Variants in FNDC1 observed in about 807,000 individuals in gnomAD.
FNDC1 encodes the protein fibronectin type III domain-containing protein 1.
Under a neutral mutation model 168.0 loss-of-function variants are expected in FNDC1, and 96 were observed. That is an observed-to-expected ratio of 0.57 (90% confidence interval 0.48 to 0.68). The LOEUF (loss-of-function observed/expected upper bound fraction) is 0.68. FNDC1 is among the 30% of genes least tolerant of loss of function. The probability of loss-of-function intolerance (pLI) is 0.00; values close to 1 mark genes in which losing one functional copy is unlikely to be tolerated. For synonymous variants in FNDC1, 1,099 were observed against 1,025.9 expected (o/e 1.07, Z -1.36); for missense variants, 2,587 against 2,482.1 (o/e 1.04, Z -0.90).
At chr6:159,242,960 T>C (rs935196945) in intron 14 of FNDC1, among the ~76,000 whole-genome samples, 1 of 152,254 alleles carries the variant, frequency 6.6e-6, no homozygotes, top group African/African-American at 2.4e-5. Flanking sequence ...ACTTTTTGGT[T>C]ATTGTGAATA....
intron 1 of FNDC1, among the ~76,000 whole-genome samples, chr6:159,192,486 C>T (rs765895948): frequency 6.6e-6 from 1 of 152,102 alleles, no homozygotes; most frequent in Non-Finnish European, 1.5e-5. Context: ...GACAGAGTTC[C>T]CTTGAGAGGA....
intron 22 of FNDC1, among the ~76,000 whole-genome samples, chr6:159,269,222 T>C (rs867497999): frequency 0.02 from 2,383 of 122,044 alleles, 90 homozygotes; most frequent in African/African-American, 0.077. Flanking sequence ...TCTATCTATC[T>C]ATCTATCTAT....
intron 1 of FNDC1, among the ~76,000 whole-genome samples, chr6:159,181,385 T>A (rs1021385459): frequency 2.0e-5 from 3 of 152,206 alleles, no homozygotes; most frequent in African/African-American, 7.2e-5. Flanking sequence ...TGGTCTTAAT[T>A]ATTTGATCAA....
chr6:159,271,400 G>T lies in FNDC1; in HGVS notation c.5643G>T (p.Val1881=). Residue 1881 remains valine, a synonymous_variant, in exon 23 of 23, where the codon GTG becomes GTT. Transcript: ENST00000297267. ...NIGFGTPYYY[V]GWYECGVSIP... ...GCTTCGGAACCCCCTACTACTATGT[G>T]GGCTGGTACGAGTGTGGGGTCTCCA... The T allele has an allele frequency of 6.2e-7, 1 of 1,612,332 alleles. No individual in the cohort carries two copies. Among genetic ancestry groups the T allele is most frequent in the Non-Finnish European group, 8.5e-7 (1 of 1,179,304 alleles).
intron 4 of FNDC1, among the ~76,000 whole-genome samples, chr6:159,204,587 A>C (rs932376851): frequency 5.3e-5 from 8 of 152,008 alleles, no homozygotes; most frequent in African/African-American, 1.9e-4. Flanking sequence ...CACACTCCAC[A>C]TGCAGGTCTG....
Position 159,261,383 on chromosome 6 carries a change from G to C in FNDC1, c.5254+114G>C, listed in dbSNP as rs890407765. The stretch of plus-strand genomic sequence containing the variant: ...TTACTTTTCTATTTAATGAGCTCAT[G>C]TTGGATATCAGTTTCTAAAGTAAAC... On this transcript the variant is annotated intron_variant, in intron 19 of 22. Transcript: ENST00000297267. 4.0e-5 allele frequency: 28 copies of C among 692,808 alleles called. No individual in the cohort carries two copies. In the Middle Eastern group the frequency reaches 1.2e-3, roughly 31 times the overall value. The allele number at this position is 692,808 out of a possible 1,614,324, so 42.9% of individuals were successfully genotyped here.
intron 4 of FNDC1, among the ~76,000 whole-genome samples, chr6:159,201,391 A>T (rs955939921): frequency 6.6e-6 from 1 of 152,220 alleles, no homozygotes; most frequent in Admixed American, 6.5e-5. Flanking sequence ...TGCATGCTAT[A>T]TGAAAAGGGG....
intron 16 of FNDC1, 83 bp downstream of exon 16, chr6:159,249,265 C>G: frequency 7.3e-7 from 1 of 1,367,190 alleles, no homozygotes; most frequent in Non-Finnish European, 9.9e-7. Context: ...CTTTTGGCCT[C>G]GCCAAGGCAG....
intron 1 of FNDC1, among the ~76,000 whole-genome samples, chr6:159,185,619 T>C (rs142647245): frequency 3.3e-5 from 5 of 152,336 alleles, no homozygotes; most frequent in African/African-American, 1.2e-4. Context: ...TGTTTTAAGT[T>C]GGCAGCTGCA....
chr6:159,205,545 C>T (rs1326503167), intron 4 of FNDC1, among the ~76,000 whole-genome samples: 1 of 152,220 alleles, frequency 6.6e-6, no homozygotes, highest in African/African-American at 2.4e-5. Flanking sequence ...CAGGCCCTGA[C>T]TAGCTCTCAG....
chr6:159,240,106 T>C, intron 14 of FNDC1, 149 bp downstream of exon 14: 6 of 594,422 alleles, frequency 1.0e-5, no homozygotes, highest in Non-Finnish European at 1.6e-5. Flanking sequence ...GCAGGTTTGT[T>C]TGACAGTACC....
rs369450487 is a variant in FNDC1, at chr6:159,269,257, C to CATCTATCTATCTATCT, written c.5569+1351_5569+1366dup. On this transcript the variant is annotated intron_variant, in intron 22 of 22. Transcript: ENST00000297267. The stretch of plus-strand genomic sequence containing the variant: ...TCTATCTATCTATCTATCCATCTAT[C>CATCTATCTATCTATCT]ATCTATCTATCTATCTATCTATCTA... 1.3e-3 allele frequency among the ~76,000 whole-genome samples: 54 copies of CATCTATCTATCTATCT among 42,670 alleles called. 5 individuals carry two copies. The highest frequency in any genetic ancestry group is 0.017 in the Middle Eastern group (1 of 60). 28.0% of individuals were successfully genotyped at this position (42,670 alleles called of 152,430 possible).
At chr6:159,251,870 C>G (rs1391041413) in intron 17 of FNDC1, among the ~76,000 whole-genome samples, 1 of 152,214 alleles carries the variant, frequency 6.6e-6, no homozygotes, top group Non-Finnish European at 1.5e-5. Flanking sequence ...ATCCTATAAT[C>G]TTGCAAATGG....
rs1583891038 is a variant in FNDC1, at chr6:159,231,345, G to A, written c.1370-537G>A. 2.4e-4 allele frequency among the ~76,000 whole-genome samples: 7 copies of A among 28,688 alleles called. 3 individuals carry two copies. Among genetic ancestry groups the A allele is most frequent in the African/African-American group, 3.2e-4 (6 of 18,630 alleles). The allele number at this position is 28,688 out of a possible 152,430, so 18.8% of individuals were successfully genotyped here. On this transcript the variant is annotated intron_variant, in intron 10 of 22. Coordinates refer to ENST00000297267, the MANE Select transcript of FNDC1 (RefSeq NM_032532.3). ...AGCCGAGATTGCGCCACTGCAGTCC[G>A]CAGTCCGGCCTGGGCGACAGAGCGA...
rs776173868 is a variant in FNDC1 at position 159,225,652 on chromosome 6, A to C, written c.1002A>C (p.Ala334=). The part of the protein sequence containing the change: ...NLIPDTVYEF[A]VRISQGERDG... Reference sequence around the variant, plus strand: ...TTCCAGACACTGTGTATGAATTTGCAGTCCGTATTTCACAGGGTGAAAGAG... The same window carrying C: ...TTCCAGACACTGTGTATGAATTTGCCGTCCGTATTTCACAGGGTGAAAGAG... The change falls in exon 8 of 23, where the codon GCA becomes GCC. Residue 334 remains alanine, a synonymous_variant. Transcript: ENST00000297267. 1.2e-6 allele frequency: 2 copies of C among 1,614,008 alleles called. No individual in the cohort carries two copies. The highest frequency in any genetic ancestry group is 1.7e-5 in the Admixed American group (1 of 60,036).
chr6:159,184,898 T>C (rs950518670), intron 1 of FNDC1, among the ~76,000 whole-genome samples: 1 of 152,102 alleles, frequency 6.6e-6, no homozygotes, highest in African/African-American at 2.4e-5. Context: ...TGGCTTCTAG[T>C]TGGGTCTCTG....
At position 159,239,502 on chromosome 6, in the gene FNDC1, T is replaced by C. The variant is rs748203864; in HGVS notation, c.4181-15T>C. ...CTTCACCTTGTTGCATAGCTATTGG[T>C]TGATTTTGTTTCAGATCTGGAAGGG... On this transcript the variant is annotated splice_polypyrimidine_tract_variant and intron_variant, in intron 13 of 22. Transcript: ENST00000297267. 1.9e-6 allele frequency: 3 copies of C among 1,567,842 alleles called. No individual in the cohort carries two copies. The highest frequency in any genetic ancestry group is 1.4e-5 in the African/African-American group (1 of 73,406).
intron 1 of FNDC1, among the ~76,000 whole-genome samples, chr6:159,189,821 A>G: frequency 6.6e-6 from 1 of 152,286 alleles, no homozygotes; most frequent in South Asian, 2.1e-4. Context: ...GATTTCTGTG[A>G]AAATCTGGGT....
chr6:159,173,264 G>C lies in FNDC1; in HGVS notation c.109+3559G>C, dbSNP rs78607574. Among the ~76,000 whole-genome samples the C allele has an allele frequency of 1.7e-4, 22 of 127,430 alleles. No individual in the cohort carries two copies. The East Asian group carries it at 5.6e-3, about 32-fold the overall frequency. 83.6% of individuals were successfully genotyped at this position (127,430 alleles called of 152,430 possible). On this transcript the variant is annotated intron_variant, in intron 1 of 22. Transcript: ENST00000297267. ...GCAGTGCTGTCCTGCACCTCTGGGGGCCTTGGGCTAGTCTCCGCGCTTCAG... is the reference window on the plus strand; with the variant it reads ...GCAGTGCTGTCCTGCACCTCTGGGGCCCTTGGGCTAGTCTCCGCGCTTCAG...
Sources: gnomAD v4.1 joint callset for allele counts (sites outside exome capture counted in the v4.1 genomes callset) on GRCh38, gnomAD v4.1.1 for gene constraint, MANE v1.5 for transcripts, NCBI Gene and HGNC (gene_info 2026-07-23, HGNC 2026-07-21) for gene names.